Variants in ZMYM2 observed in about 807,000 individuals in gnomAD.
ZMYM2 encodes the protein zinc finger MYM-type protein 2.
ZMYM2 carries 56 observed loss-of-function variants against 162.8 expected under a neutral mutation model. The observed-to-expected ratio is 0.34, with a 90% CI of 0.28 to 0.43. The LOEUF is 0.43. Among genes scored for constraint, ZMYM2 ranks in the 20% least tolerant of loss-of-function variants. The pLI, the probability that ZMYM2 is intolerant of heterozygous loss-of-function variation, is 1.00. For missense variants in ZMYM2, 1,275 were observed against 1,621.8 expected, an observed-to-expected ratio of 0.79 and a Z score of 3.67; for synonymous variants, 510 against 541.6, an observed-to-expected ratio of 0.94 and a Z score of 0.81.
At chr13:20,055,644 A>G (rs1395377461) in intron 14 of ZMYM2, among the ~76,000 whole-genome samples, 1 of 152,236 alleles carries the variant, frequency 6.6e-6, no homozygotes, top group Non-Finnish European at 1.5e-5. Flanking sequence ...GTGTAAGTTC[A>G]GTATTAATGA....
intron 12 of ZMYM2, among the ~76,000 whole-genome samples, chr13:20,049,448 A>G (rs969092673): frequency 1.3e-5 from 2 of 152,010 alleles, no homozygotes; most frequent in Non-Finnish European, 2.9e-5. Context: ...CGGAAATACT[A>G]CTACTAAGAG....
the ZMYM2 span, among the ~76,000 whole-genome samples, chr13:19,933,795 G>T: frequency 6.6e-6 from 1 of 152,126 alleles, no homozygotes; most frequent in Non-Finnish European, 1.5e-5. Flanking sequence ...CATTATGGAA[G>T]GAATAAGGAG....
chr13:20,048,282 A>G lies in ZMYM2; in HGVS notation c.2293-3151A>G, dbSNP rs865913371. 2.4e-4 allele frequency among the ~76,000 whole-genome samples: 13 copies of G among 53,190 alleles called. No individual in the cohort carries two copies. The South Asian group carries it at 9.4e-3, about 39-fold the overall frequency. 34.9% of individuals were successfully genotyped at this position (53,190 alleles called of 152,430 possible). On this transcript the variant is annotated intron_variant, in intron 12 of 24. Coordinates refer to ENST00000610343, the MANE Select transcript of ZMYM2 (RefSeq NM_197968.4). ...GTATAATTTTTCTTTATAAACAGCT[A>G]TATCCATTTTTTTTAAAATTTTTTT... is the stretch of plus-strand genomic sequence containing the variant.
Position 19,993,304 on chromosome 13 carries a change from G to A in ZMYM2, c.232G>A (p.Asp78Asn), listed in dbSNP as rs184955917. 3.0e-5 allele frequency: 49 copies of A among 1,613,902 alleles called. No homozygotes were observed. In the East Asian group the frequency reaches 6.7e-4, roughly 22 times the overall value. ...CCCACCTTCTGTACCAGTGGTAGCT[G>A]ATCAAAGAACCATAACATTTACATC... ...PPPPSVPVVA[D>N]QRTITFTSSK... Residue 78 changes from aspartate (D) to asparagine (N), a missense_variant, in exon 3 of 25, where the codon GAT becomes AAT. By Grantham distance (23) the Asp-to-Asn change is conservative. Coordinates refer to ENST00000610343, the MANE Select transcript of ZMYM2 (RefSeq NM_197968.4).
At chr13:20,000,584 C>T (rs973335144) in intron 3 of ZMYM2, among the ~76,000 whole-genome samples, 3 of 152,154 alleles carry the variant, frequency 2.0e-5, no homozygotes, top group Admixed American at 6.5e-5. Flanking sequence ...AACAAAGCCC[C>T]GATGACAGCA....
At chr13:19,994,393 A>G (rs1949861477) in intron 3 of ZMYM2, among the ~76,000 whole-genome samples, 2 of 152,216 alleles carry the variant, frequency 1.3e-5, no homozygotes, top group Non-Finnish European at 1.5e-5. Flanking sequence ...ACTTTTTGCT[A>G]ATAGAATTTT....
the ZMYM2 span, among the ~76,000 whole-genome samples, chr13:19,880,661 T>A: frequency 6.6e-6 from 1 of 152,102 alleles, no homozygotes; most frequent in South Asian, 2.1e-4. Context: ...ACTCCTGAGC[T>A]CAGGCGATCC....
At chr13:20,021,367 C>CCT (rs1566316722) in intron 7 of ZMYM2, among the ~76,000 whole-genome samples, 1 of 108,882 alleles carries the variant, frequency 9.2e-6, no homozygotes, top group Non-Finnish European at 2.0e-5. Context: ...TGTTTTCCTG[C>CCT]TTTTTTTTTT....
chr13:20,004,325 C>T (rs181624292), intron 4 of ZMYM2, among the ~76,000 whole-genome samples: 7 of 152,156 alleles, frequency 4.6e-5, no homozygotes, highest in Non-Finnish European at 7.4e-5. Flanking sequence ...CGCTGATCTC[C>T]GCTCACTGCA....
chr13:19,920,937 A>AT, the ZMYM2 span, among the ~76,000 whole-genome samples: 893 of 138,278 alleles, frequency 6.5e-3, 8 homozygotes, highest in Middle Eastern at 0.025. Flanking sequence ...TAATTTTTGT[A>AT]TTTTTTTTTT....
intron 2 of ZMYM2, among the ~76,000 whole-genome samples, chr13:19,976,882 C>G (rs1296011192): frequency 6.6e-6 from 1 of 152,156 alleles, no homozygotes; most frequent in African/African-American, 2.4e-5. Flanking sequence ...AAGTCTTCAG[C>G]TATTATCATA....
chr13:19,911,349 A>G, the ZMYM2 span, among the ~76,000 whole-genome samples: 121,547 of 151,694 alleles, frequency 0.8, 49,823 homozygotes, highest in East Asian at 0.96. Flanking sequence ...GTGAGCCACC[A>G]TCTTCGGCCC....
At chr13:19,953,570 G>A in the ZMYM2 span, among the ~76,000 whole-genome samples, 1 of 149,590 alleles carries the variant, frequency 6.7e-6, no homozygotes, top group East Asian at 2.0e-4. Flanking sequence ...TGTAGTCCCA[G>A]CTACTCAGGA....
intron 2 of ZMYM2, among the ~76,000 whole-genome samples, chr13:19,975,531 CCT>C (rs1241864959): frequency 2.6e-5 from 4 of 152,122 alleles, no homozygotes; most frequent in Admixed American, 6.5e-5. Flanking sequence ...ATAATATTCC[CCT>C]GTGTATGTTT....
chr13:20,019,839 A>G (rs987188239), intron 7 of ZMYM2: 1 of 487,228 alleles, frequency 2.1e-6, no homozygotes, highest in Admixed American at 3.5e-5. Flanking sequence ...GTCTTTAGTT[A>G]TTTATGTTCT....
intron 12 of ZMYM2, among the ~76,000 whole-genome samples, chr13:20,043,326 T>TGTC (rs1289961930): frequency 3.3e-5 from 5 of 152,192 alleles, no homozygotes; most frequent in Admixed American, 3.3e-4. Context: ...TCCATCCTCA[T>TGTC]TGGCATGTGC....
chr13:20,003,187 A>C (rs1950512894), intron 4 of ZMYM2, 52 bp downstream of exon 4: 10 of 1,531,582 alleles, frequency 6.5e-6, no homozygotes, highest in Non-Finnish European at 8.8e-6. Flanking sequence ...TGGAGTTGTA[A>C]AATTTTAAGA....
At position 19,965,086 on chromosome 13, in the gene ZMYM2, TAAA is replaced by T. The variant is rs11365422; in HGVS notation, c.-11+5071_-11+5073del. ...ATGTACCCTAAAACTTAAAGTATAA[TAAA>T]AAAAAAAAAAGAAAAATACTTACAT... On this transcript the variant is annotated intron_variant, in intron 2 of 24. Coordinates refer to ENST00000610343, the MANE Select transcript of ZMYM2 (RefSeq NM_197968.4). 7.2e-4 allele frequency: 203 copies of T among 282,802 alleles called. 1 individual carries two copies. Among genetic ancestry groups the T allele is most frequent in the African/African-American group, 1.9e-3 (82 of 43,930 alleles). 17.5% of individuals were successfully genotyped at this position (282,802 alleles called of 1,614,324 possible).
the ZMYM2 span, among the ~76,000 whole-genome samples, chr13:19,939,008 A>C: frequency 6.7e-6 from 1 of 149,906 alleles, no homozygotes; most frequent in African/African-American, 2.5e-5. Flanking sequence ...ATGTATAACT[A>C]ACTTTGTTGT....
Sources: allele counts gnomAD v4.1 joint callset (sites outside exome capture counted in the v4.1 genomes callset), GRCh38; gene constraint gnomAD v4.1.1; transcripts MANE v1.5; gene names NCBI Gene and HGNC (gene_info 2026-07-23, HGNC 2026-07-21).